UPF2: variants seen among roughly 807,000 people sequenced by gnomAD.
UPF2 encodes UPF2 regulator of nonsense mediated mRNA decay.
UPF2 carries 17 observed loss-of-function variants against 141.4 expected under a neutral mutation model. The ratio of observed to expected loss-of-function variants is 0.12; its 90% CI spans 0.08 to 0.18. UPF2 has a LOEUF of 0.18. Among genes scored for constraint, UPF2 ranks in the 10% least tolerant of loss-of-function variants. The probability of loss-of-function intolerance (pLI) is 1.00; values close to 1 mark genes in which losing one functional copy is unlikely to be tolerated. For synonymous variants in UPF2, 540 were observed against 498.0 expected, an observed-to-expected ratio of 1.08 and a Z score of -1.12; for missense variants, 1,152 against 1,515.9, an observed-to-expected ratio of 0.76 and a Z score of 3.99.
At chr10:11,983,882 G>C (rs993864769) in intron 8 of UPF2, among the ~76,000 whole-genome samples, 3 of 151,958 alleles carry the variant, frequency 2.0e-5, no homozygotes, top group Admixed American at 2.0e-4. Context: ...AAAATACTCA[G>C]TTAAGCTTCC....
At chr10:12,012,499 G>T (rs1834145623) in intron 4 of UPF2, among the ~76,000 whole-genome samples, 1 of 152,102 alleles carries the variant, frequency 6.6e-6, no homozygotes, top group South Asian at 2.1e-4. Flanking sequence ...AAAAAGTTTG[G>T]CCAGGCACAG....
rs376589899 is a variant in UPF2 at position 11,964,059 on chromosome 10, G to A, written c.2134C>T (p.Arg712Trp). ...GATTCTGGAGATCTGAAAAGAAACCGTCCACATGTCTCCAGCAGGGTGCAT... is the reference window on the plus strand; with the variant it reads ...GATTCTGGAGATCTGAAAAGAAACCATCCACATGTCTCCAGCAGGGTGCAT... ...MACTLLETCG[R>W]FLFRSPESHL... The change falls in exon 11 of 22, where the codon CGG (arginine) becomes TGG (tryptophan). Residue 712 changes from arginine to tryptophan, a missense_variant. By Grantham distance (101) the Arg-to-Trp change is moderately radical (BLOSUM62 -3). Around this residue, in one of 4 missense-constraint regions of UPF2, gnomAD observed 739 missense variants for 1,032.2 expected, o/e 0.72. Coordinates refer to ENST00000357604, the MANE Select transcript of UPF2 (RefSeq NM_015542.4). 2.6e-5 allele frequency: 42 copies of A among 1,613,854 alleles called. No homozygotes were observed. Among genetic ancestry groups the A allele is most frequent in the Admixed American group, 1.0e-4 (6 of 59,992 alleles).
Position 12,042,058 on chromosome 10 carries a change from A to T in UPF2, c.-19+697T>A, listed in dbSNP as rs1349620758. 1.3e-5 allele frequency among the ~76,000 whole-genome samples: 2 copies of T among 152,134 alleles called. No individual in the cohort carries two copies. Among genetic ancestry groups the T allele is most frequent in the Non-Finnish European group, 2.9e-5 (2 of 68,020 alleles). The stretch of plus-strand genomic sequence containing the variant: ...TGAAGAGGTGAAGGTAAAGTGAAGA[A>T]TCAACCAGCCTATGTGATTAAAAGG... On this transcript the variant is annotated intron_variant, in intron 1 of 21. Transcript: ENST00000357604. This position sits in a 1 kb window ranked among gnomAD's most constrained non-coding sequence, Gnocchi z 5.5.
At chr10:11,924,925 TCTC>T (rs1238687447) in intron 21 of UPF2, among the ~76,000 whole-genome samples, 8 of 152,136 alleles carry the variant, frequency 5.3e-5, no homozygotes, top group African/African-American at 1.9e-4. Context: ...TTCGAGTGAT[TCTC>T]CTGCCTCAGA....
At chr10:11,991,875 G>A (rs939432780) in intron 8 of UPF2, among the ~76,000 whole-genome samples, 1 of 152,192 alleles carries the variant, frequency 6.6e-6, no homozygotes, top group African/African-American at 2.4e-5. Flanking sequence ...GCCAGGCGCA[G>A]TGGCTCACAC....
In UPF2 at chr10:11,939,517, CTT is replaced by C. The variant is rs34766091; in HGVS notation, c.3379-2807_3379-2806del. 2.0e-5 allele frequency among the ~76,000 whole-genome samples: 3 copies of C among 146,452 alleles called. No homozygotes were observed. The highest frequency in any genetic ancestry group is 1.5e-5 in the Non-Finnish European group (1 of 66,464). ...TTATTGTCAGTTTAAAATGTTTTAT[CTT>C]TTTTTTTTTTTAAGACGAAGTCTCG... On this transcript the variant is annotated intron_variant, in intron 18 of 21. Coordinates refer to ENST00000357604, the MANE Select transcript of UPF2 (RefSeq NM_015542.4). The surrounding 1 kb of genome is among the most constrained non-coding windows in gnomAD (Gnocchi z 4.8).
At chr10:12,003,505 TG>T (rs1833985682) in intron 5 of UPF2, among the ~76,000 whole-genome samples, 1 of 152,124 alleles carries the variant, frequency 6.6e-6, no homozygotes, top group Non-Finnish European at 1.5e-5. Context: ...GTAATAGAGT[TG>T]TAATGGCAAA....
intron 5 of UPF2, among the ~76,000 whole-genome samples, chr10:12,003,770 A>G (rs915522417): frequency 2.0e-5 from 3 of 152,078 alleles, no homozygotes; most frequent in Non-Finnish European, 4.4e-5. Context: ...TACTAAAAAT[A>G]CAAAATTAGC....
chr10:11,997,759 T>C lies in UPF2; in HGVS notation c.1759-2A>G. 6.2e-7 allele frequency: 1 copy of C among 1,613,704 alleles called. No individual in the cohort carries two copies. The highest frequency in any genetic ancestry group is 8.5e-7 in the Non-Finnish European group (1 of 1,179,782). ...GTTCATGCAAAAATCCATTGCTGCCTATTGGGAAAAAGTAAACTTTTTCTT... is the reference window on the plus strand; with the variant it reads ...GTTCATGCAAAAATCCATTGCTGCCCATTGGGAAAAAGTAAACTTTTTCTT... On this transcript the variant is annotated splice_acceptor_variant, in intron 7 of 21. Transcript: ENST00000357604. LOFTEE classifies it high-confidence loss of function.
intron 15 of UPF2, 111 bp downstream of exon 15, chr10:11,951,955 C>T (rs578081616): frequency 5.1e-6 from 6 of 1,182,392 alleles, no homozygotes; most frequent in East Asian, 2.4e-5. Context: ...CACTCAACAC[C>T]GAAAATAGAA....
At chr10:12,038,378 TCACACACACACACACACACA>T (rs200544672) in intron 1 of UPF2, among the ~76,000 whole-genome samples, 7 of 135,934 alleles carry the variant, frequency 5.1e-5, no homozygotes, top group Non-Finnish European at 9.3e-5. Context: ...AGACTCCATC[TCACACACACACACACACACA>T]CACACACACA....
At chr10:11,987,952 T>C (rs1295025985) in intron 8 of UPF2, among the ~76,000 whole-genome samples, 1 of 152,058 alleles carries the variant, frequency 6.6e-6, no homozygotes, top group East Asian at 1.9e-4. Flanking sequence ...CAAATTATAC[T>C]ACCAAGCAAG....
intron 3 of UPF2, among the ~76,000 whole-genome samples, chr10:12,022,593 TA>T (rs1468649802): frequency 1.3e-5 from 2 of 152,144 alleles, no homozygotes; most frequent in African/African-American, 4.8e-5. Context: ...ATCTAGGACA[TA>T]ATTTTAGAGC....
In UPF2 at chr10:12,035,442, C is replaced by A; in HGVS notation, c.-18-1G>T. ...CTGGCATTATGTGACCCAGGACAAT[C>A]TGTAAGAGGGAAAGAATGTCAGTAC... On this transcript the variant is annotated splice_acceptor_variant, in intron 1 of 21. Coordinates refer to ENST00000357604, the MANE Select transcript of UPF2 (RefSeq NM_015542.4). LOFTEE classifies it low-confidence loss of function (5UTR_SPLICE). The A allele has an allele frequency of 3.3e-6, 5 of 1,524,398 alleles. No individual in the cohort carries two copies. The highest frequency in any genetic ancestry group is 3.5e-6 in the Non-Finnish European group (4 of 1,145,610). 94.4% of individuals were successfully genotyped at this position (1,524,398 alleles called of 1,614,324 possible). A position where few individuals can be genotyped will look rare whatever the true frequency, so the allele number is the denominator to read the frequency against.
chr10:11,996,539 T>C (rs1833867531), intron 8 of UPF2, among the ~76,000 whole-genome samples: 1 of 152,208 alleles, frequency 6.6e-6, no homozygotes, highest in East Asian at 1.9e-4. Flanking sequence ...AGATGGGGTT[T>C]CACCATGTTG....
At chr10:11,943,481 G>C (rs1468650307) in intron 16 of UPF2, among the ~76,000 whole-genome samples, 2 of 152,136 alleles carry the variant, frequency 1.3e-5, no homozygotes, top group Non-Finnish European at 2.9e-5. Flanking sequence ...AACAAATCTG[G>C]AGAGGCTGAA....
At chr10:11,930,911 G>A (rs959944071) in intron 20 of UPF2, among the ~76,000 whole-genome samples, 18 of 152,182 alleles carry the variant, frequency 1.2e-4, no homozygotes, top group East Asian at 5.8e-4. Flanking sequence ...GTACAGTGCT[G>A]TAGAAACAAC....
chr10:11,968,184 G>GA (rs111863944), intron 9 of UPF2, among the ~76,000 whole-genome samples: 21 of 147,968 alleles, frequency 1.4e-4, no homozygotes, highest in African/African-American at 4.2e-4. Context: ...CATCTCAAAA[G>GA]AAAAAAAAAA....
intron 8 of UPF2, among the ~76,000 whole-genome samples, chr10:11,986,077 G>A (rs536030400): frequency 6.7e-4 from 101 of 151,400 alleles, no homozygotes; most frequent in African/African-American, 2.4e-3. Context: ...GTAGAGACGG[G>A]GTTTCACCGT....
Sources: gnomAD v4.1 joint callset for allele counts (sites outside exome capture counted in the v4.1 genomes callset) on GRCh38, gnomAD v4.1.1 for gene constraint, gnomAD v4.1.1 regional missense constraint, Gnocchi (gnomAD v3.1) non-coding constraint, MANE v1.5 for transcripts, NCBI Gene and HGNC (gene_info 2026-07-23, HGNC 2026-07-21) for gene names.